DCC: variants seen among roughly 807,000 people sequenced by gnomAD.
DCC encodes the protein DCC netrin 1 receptor.
A neutral mutation model predicts 172.5 loss-of-function variants in DCC; 58 were observed. The observed-to-expected ratio is 0.34, with a 90% CI of 0.27 to 0.42. The LOEUF (loss-of-function observed/expected upper bound fraction) is 0.42. Ranked by LOEUF, DCC falls within the 10% of genes least tolerant of loss-of-function variation. The pLI, the probability that DCC is intolerant of heterozygous loss-of-function variation, is 1.00. For missense variants in DCC, 1,740 were observed against 1,791.0 expected, an observed-to-expected ratio of 0.97 and a Z score of 0.51; for synonymous variants, 709 against 644.5, an observed-to-expected ratio of 1.10 and a Z score of -1.52.
At chr18:53,106,865 T>G (rs2043256219) in intron 7 of DCC, among the ~76,000 whole-genome samples, 1 of 151,986 alleles carries the variant, frequency 6.6e-6, no homozygotes, top group African/African-American at 2.4e-5. Flanking sequence ...TGTGCTCTAC[T>G]ACAAGAATGC....
rs577190658 is a variant in DCC at position 53,258,474 on chromosome 18, G to A, written c.1911+42877G>A. ...CTGCCTTCATTTCGTTATGTACCCA[G>A]TAGTCATTCAGGAGCAGGTTGTTCA... On this transcript the variant is annotated intron_variant, in intron 12 of 28. Coordinates refer to ENST00000442544, the MANE Select transcript of DCC (RefSeq NM_005215.4). Among the ~76,000 whole-genome samples, 7 of 152,204 alleles carry A rather than the reference G, an allele frequency of 4.6e-5. No homozygotes were observed. In the East Asian group the frequency reaches 1.2e-3, roughly 25 times the overall value.
At chr18:52,566,196 T>C (rs2033156146) in intron 1 of DCC, among the ~76,000 whole-genome samples, 1 of 152,112 alleles carries the variant, frequency 6.6e-6, no homozygotes. Flanking sequence ...TAAAAAAAGA[T>C]GAGTCCATGT....
intron 1 of DCC, among the ~76,000 whole-genome samples, chr18:52,694,217 G>A (rs973401561): frequency 1.3e-5 from 2 of 152,092 alleles, no homozygotes; most frequent in African/African-American, 4.8e-5. Flanking sequence ...AAAACGCCTG[G>A]CCAGTACTCC....
At chr18:53,278,749 G>T (rs2056834590) in intron 12 of DCC, among the ~76,000 whole-genome samples, 1 of 152,074 alleles carries the variant, frequency 6.6e-6, no homozygotes, top group African/African-American at 2.4e-5. Context: ...TGCCAGATGT[G>T]CATAAATGCT....
chr18:53,056,517 A>G (rs903281866), intron 5 of DCC, among the ~76,000 whole-genome samples: 11 of 152,172 alleles, frequency 7.2e-5, no homozygotes, highest in African/African-American at 2.7e-4. Flanking sequence ...TTATCTGTTT[A>G]TACTATTTTG....
At chr18:52,402,947 T>A (rs1256536282) in intron 1 of DCC, among the ~76,000 whole-genome samples, 1 of 152,024 alleles carries the variant, frequency 6.6e-6, no homozygotes, top group East Asian at 1.9e-4. Flanking sequence ...AGTGTTCAAG[T>A]GTGCCTGGAG....
At chr18:53,240,228 T>A (rs1384032890) in intron 12 of DCC, among the ~76,000 whole-genome samples, 3 of 152,000 alleles carry the variant, frequency 2.0e-5, no homozygotes, top group Non-Finnish European at 4.4e-5. Flanking sequence ...TCAGATAAAC[T>A]TATAGACATG....
rs549369976 is a variant in DCC, at chr18:53,075,791, G to A, written c.1261+9625G>A. On this transcript the variant is annotated intron_variant, in intron 7 of 28. Transcript: ENST00000442544. Reference sequence around the variant, plus strand: ...ATATATATTCCTTTTGATTAGAGAAGTCTTATTTCCTGGGGAAAAGAAGAA... The same window carrying A: ...ATATATATTCCTTTTGATTAGAGAAATCTTATTTCCTGGGGAAAAGAAGAA... 4.6e-5 allele frequency among the ~76,000 whole-genome samples: 7 copies of A among 152,222 alleles called. No individual in the cohort carries two copies. In the East Asian group the frequency reaches 1.4e-3, roughly 29 times the overall value.
chr18:53,315,118 C>A (rs547512494), intron 13 of DCC, among the ~76,000 whole-genome samples: 5 of 152,168 alleles, frequency 3.3e-5, no homozygotes, highest in Non-Finnish European at 7.3e-5. Flanking sequence ...CCCCTAGCCC[C>A]CCACTCCCTG....
chr18:53,229,166 C>T (rs11661696), intron 12 of DCC, among the ~76,000 whole-genome samples: 45,508 of 151,864 alleles, frequency 0.3, 8,624 homozygotes, highest in East Asian at 0.61. Flanking sequence ...TAAAAGGTTT[C>T]CACACTTTTG....
intron 1 of DCC, among the ~76,000 whole-genome samples, chr18:52,456,957 T>A (rs894768618): frequency 3.3e-5 from 5 of 152,124 alleles, no homozygotes; most frequent in African/African-American, 1.2e-4. Context: ...TTGTTTTTTT[T>A]TTAAAAAAAT....
intron 25 of DCC, among the ~76,000 whole-genome samples, chr18:53,482,735 T>G (rs1167004403): frequency 6.6e-6 from 1 of 151,868 alleles, no homozygotes; most frequent in Non-Finnish European, 1.5e-5. Context: ...GTAAAAAGTA[T>G]CAATACTGGG....
chr18:53,336,936 G>A lies in DCC; in HGVS notation c.2165-2777G>A, dbSNP rs561612350. On this transcript the variant is annotated intron_variant, in intron 14 of 28. Coordinates refer to ENST00000442544, the MANE Select transcript of DCC (RefSeq NM_005215.4). The stretch of plus-strand genomic sequence containing the variant: ...ATGAAGAGGCAACATATCTTCTTAC[G>A]TACTAACATTTTTTTTCTAATGTTA... Among the ~76,000 whole-genome samples, 16 of 152,232 alleles carry A rather than the reference G, an allele frequency of 1.1e-4. 1 individual carries two copies. Among genetic ancestry groups the A allele is most frequent in the African/African-American group, 2.6e-4 (11 of 41,538 alleles).
In DCC at chr18:52,971,133, G is replaced by GA. The variant is rs200119827; in HGVS notation, c.985+45771dup. Reference sequence around the variant, plus strand: ...TGACAGCTGTTCAACCCCAGGGGCAGAAAAAAAACACAGCTTTTTCCTTGG... The same window carrying GA: ...TGACAGCTGTTCAACCCCAGGGGCAGAAAAAAAAACACAGCTTTTTCCTTGG... On this transcript the variant is annotated intron_variant, in intron 5 of 28. Coordinates refer to ENST00000442544, the MANE Select transcript of DCC (RefSeq NM_005215.4). Among the ~76,000 whole-genome samples the GA allele has an allele frequency of 4.3e-3, 650 of 151,868 alleles. 3 individuals carry two copies. The highest frequency in any genetic ancestry group is 6.8e-3 in the Middle Eastern group (2 of 294).
chr18:53,417,921 T>A (rs1243017756), intron 21 of DCC, among the ~76,000 whole-genome samples: 1 of 152,202 alleles, frequency 6.6e-6, no homozygotes, highest in Non-Finnish European at 1.5e-5. Flanking sequence ...AGTAAATTAT[T>A]TCCCAGTCCC....
intron 1 of DCC, among the ~76,000 whole-genome samples, chr18:52,451,840 C>T (rs544980464): frequency 1.3e-5 from 2 of 152,194 alleles, no homozygotes; most frequent in South Asian, 2.1e-4. Context: ...TGAGTCTGAT[C>T]CCTTGTTGCA....
chr18:52,906,283 G>A lies in DCC; in HGVS notation c.652G>A (p.Ala218Thr). Residue 218 changes from alanine to threonine, a missense_variant, in exon 3 of 29, where the codon GCC becomes ACC. Physicochemically the swap from Ala to Thr is moderately conservative, Grantham distance 58. Around this residue, in one of 2 missense-constraint regions of DCC, gnomAD observed 1,732 missense variants for 1,767.4 expected, o/e 0.98. Coordinates refer to ENST00000442544, the MANE Select transcript of DCC (RefSeq NM_005215.4). ...GIYRCSARNP[A>T]SSRTGNEAEV... ...TTACCGATGCTCAGCTCGAAATCCA[G>A]CCAGCTCAAGAACAGGAAATGAAGC... 6.2e-7 allele frequency: 1 copy of A among 1,614,044 alleles called. No individual in the cohort carries two copies. Among genetic ancestry groups the A allele is most frequent in the Non-Finnish European group, 8.5e-7 (1 of 1,180,036 alleles).
At position 52,641,608 on chromosome 18, in the gene DCC, A is replaced by G. The variant is rs376405496; in HGVS notation, c.92-110446A>G. ...TATATAAATGGCTAACAAACATATG[A>G]AAAAAAGGCTCACTGTCACTAATGA... On this transcript the variant is annotated intron_variant, in intron 1 of 28. Transcript: ENST00000442544. Among the ~76,000 whole-genome samples the G allele has an allele frequency of 3.3e-3, 507 of 152,142 alleles. 3 individuals carry two copies. Among genetic ancestry groups the G allele is most frequent in the African/African-American group, 0.012 (487 of 41,534 alleles).
chr18:52,865,803 A>G (rs766124768), intron 2 of DCC, among the ~76,000 whole-genome samples: 2 of 152,048 alleles, frequency 1.3e-5, no homozygotes, highest in African/African-American at 4.8e-5. Flanking sequence ...TAGGTTCAGC[A>G]TGCAAACAGA....
Sources: gnomAD v4.1 joint callset for allele counts (sites outside exome capture counted in the v4.1 genomes callset) on GRCh38, gnomAD v4.1.1 for gene constraint, gnomAD v4.1.1 regional missense constraint, MANE v1.5 for transcripts, NCBI Gene and HGNC (gene_info 2026-07-23, HGNC 2026-07-21) for gene names.